ATRNL1: variants seen among roughly 807,000 people sequenced by gnomAD.
ATRNL1 encodes the protein attractin-like protein 1.
In ATRNL1, 95 loss-of-function variants were observed where a neutral mutation model predicts 182.7. The observed-to-expected ratio is 0.52, with a 90% CI of 0.44 to 0.62. The LOEUF (loss-of-function observed/expected upper bound fraction) is 0.62, where lower values mean the gene tolerates loss of function less well. Among genes scored for constraint, ATRNL1 ranks in the 20% least tolerant of loss-of-function variants. The pLI, the probability that ATRNL1 is intolerant of heterozygous loss-of-function variation, is 0.00. For synonymous variants in ATRNL1, 576 were observed against 568.3 expected (o/e 1.01, Z -0.19); for missense variants, 1,471 against 1,679.5 (o/e 0.88, Z 2.17).
At chr10:115,535,976 C>G (rs535986557) in intron 25 of ATRNL1, among the ~76,000 whole-genome samples, 15 of 150,736 alleles carry the variant, frequency 1.0e-4, no homozygotes, top group African/African-American at 3.5e-4. Flanking sequence ...GAAGTTTTGT[C>G]TCAGAGGATT....
chr10:115,601,319 T>A (rs1191997456), intron 26 of ATRNL1, among the ~76,000 whole-genome samples: 1 of 152,188 alleles, frequency 6.6e-6, no homozygotes, highest in Non-Finnish European at 1.5e-5. Flanking sequence ...TCTACATTCA[T>A]GCATGTCCTA....
At position 115,362,782 on chromosome 10, in the gene ATRNL1, G is replaced by A. The variant is rs552814523; in HGVS notation, c.3175+28363G>A. Among the ~76,000 whole-genome samples, 745 of 151,358 alleles carry A rather than the reference G, an allele frequency of 4.9e-3. 5 individuals are homozygous for A. Among genetic ancestry groups the A allele is most frequent in the African/African-American group, 0.016 (657 of 41,246 alleles). ...GAGAATATGCAGTGTTTGGTTTTTT[G>A]TTCTTGCGATAGTTTACTGAGAATG... On this transcript the variant is annotated intron_variant, in intron 19 of 28. Coordinates refer to ENST00000355044, the MANE Select transcript of ATRNL1 (RefSeq NM_207303.4).
At chr10:115,846,757 A>C (rs1950937613) in intron 27 of ATRNL1, among the ~76,000 whole-genome samples, 1 of 152,064 alleles carries the variant, frequency 6.6e-6, no homozygotes. Flanking sequence ...GTGGAGGTGC[A>C]TGTTTGCATA....
chr10:115,196,090 G>A (rs1554890953), intron 8 of ATRNL1, among the ~76,000 whole-genome samples: 1 of 152,062 alleles, frequency 6.6e-6, no homozygotes, highest in Non-Finnish European at 1.5e-5. Flanking sequence ...GAGCCCAAGA[G>A]TTCAAGGCTA....
At chr10:115,396,540 C>T (rs933321400) in intron 20 of ATRNL1, among the ~76,000 whole-genome samples, 8 of 151,894 alleles carry the variant, frequency 5.3e-5, no homozygotes, top group Admixed American at 5.3e-4. Context: ...TGTATAATAG[C>T]ATGTTCTGGT....
At chr10:115,760,146 C>G (rs1400510164) in intron 27 of ATRNL1, among the ~76,000 whole-genome samples, 2 of 145,236 alleles carry the variant, frequency 1.4e-5, no homozygotes, top group Non-Finnish European at 3.0e-5. Context: ...ATACTTTCTA[C>G]AAAACACTGT....
intron 19 of ATRNL1, 85 bp from the exon 20 acceptor site, chr10:115,394,574 A>C (rs1554955058): frequency 3.8e-6 from 4 of 1,052,278 alleles, no homozygotes; most frequent in Non-Finnish European, 2.9e-6. Context: ...AGGACATAAA[A>C]ATAAGGTAAT....
rs1286401213 is a variant in ATRNL1 at position 115,641,649 on chromosome 10, C to G, written c.3796-85599C>G. 3.3e-5 allele frequency among the ~76,000 whole-genome samples: 5 copies of G among 152,098 alleles called. No homozygotes were observed. The East Asian group carries it at 9.6e-4, about 29-fold the overall frequency. ...CTATATTATTTCATTTAACTATTTA[C>G]ATAATTTTCTCATAAAACATTAGCT... is the stretch of plus-strand genomic sequence containing the variant. On this transcript the variant is annotated intron_variant, in intron 26 of 28. Coordinates refer to ENST00000355044, the MANE Select transcript of ATRNL1 (RefSeq NM_207303.4).
intron 26 of ATRNL1, among the ~76,000 whole-genome samples, chr10:115,701,689 T>C (rs1300508835): frequency 6.6e-6 from 1 of 151,992 alleles, no homozygotes; most frequent in Middle Eastern, 3.2e-3. Context: ...ACACAAATTA[T>C]AAAATCTAGA....
chr10:115,680,110 T>C (rs530173626), intron 26 of ATRNL1, among the ~76,000 whole-genome samples: 17 of 152,256 alleles, frequency 1.1e-4, no homozygotes, highest in South Asian at 4.1e-4. Context: ...CCACAGAGTT[T>C]AGGTTTTTGT....
intron 23 of ATRNL1, among the ~76,000 whole-genome samples, chr10:115,467,936 A>G (rs1848129048): frequency 6.6e-6 from 1 of 150,588 alleles, no homozygotes; most frequent in Admixed American, 6.6e-5. Context: ...AATGTGCTGG[A>G]AATTGTTTCT....
At chr10:115,353,362 A>G (rs1421071664) in intron 19 of ATRNL1, among the ~76,000 whole-genome samples, 2 of 152,028 alleles carry the variant, frequency 1.3e-5, no homozygotes, top group Non-Finnish European at 2.9e-5. Context: ...CTTGAAATCT[A>G]TTTTATCTGA....
intron 27 of ATRNL1, among the ~76,000 whole-genome samples, chr10:115,846,234 T>G (rs1950924541): frequency 6.6e-6 from 1 of 152,032 alleles, no homozygotes; most frequent in Non-Finnish European, 1.5e-5. Context: ...TTATATTGAA[T>G]GCTCCCAAAA....
At position 115,093,667 on chromosome 10, in the gene ATRNL1, G is replaced by A; in HGVS notation, c.-84G>A. On this transcript the variant is annotated 5_prime_UTR_variant, in exon 1 of 29. Transcript: ENST00000355044. This position sits in a 1 kb window ranked among gnomAD's most constrained non-coding sequence, Gnocchi z 6.1. The stretch of plus-strand genomic sequence containing the variant: ...GAGGAGGAGAAGCGGCGGCGGAGAG[G>A]TTTTCTGCGGCCGGAATTCCCTTCA... The A allele has an allele frequency of 7.1e-7, 1 of 1,404,866 alleles. No individual in the cohort carries two copies. Among genetic ancestry groups the A allele is most frequent in the East Asian group, 2.8e-5 (1 of 35,262 alleles). 87.0% of individuals were successfully genotyped at this position (1,404,866 alleles called of 1,614,324 possible).
chr10:115,110,827 T>C (rs1844225847), intron 1 of ATRNL1, among the ~76,000 whole-genome samples: 1 of 152,234 alleles, frequency 6.6e-6, no homozygotes. Flanking sequence ...ACAAGGTGAT[T>C]GTCATTTATT....
intron 18 of ATRNL1, among the ~76,000 whole-genome samples, chr10:115,318,554 C>G (rs1788026589): frequency 1.3e-5 from 2 of 152,092 alleles, no homozygotes; most frequent in African/African-American, 4.8e-5. Context: ...TAATTACTCC[C>G]TCAATTTCAG....
chr10:115,697,298 A>C (rs1323396742), intron 26 of ATRNL1, among the ~76,000 whole-genome samples: 8 of 152,094 alleles, frequency 5.3e-5, no homozygotes, highest in Non-Finnish European at 1.2e-4. Flanking sequence ...CCATGTTAAC[A>C]GAATATCACA....
Position 115,246,600 on chromosome 10 carries a change from T to TCGGACTG in ATRNL1, c.1687+4884_1687+4890dup, listed in dbSNP as rs1183163959. ...ACGGAGTCTCGCTCTGTCGCCCAGGTCGGACTGCGGACTGCAGTAGCGCAA... is the reference window on the plus strand; with the variant it reads ...ACGGAGTCTCGCTCTGTCGCCCAGGTCGGACTGCGGACTGCGGACTGCAGTAGCGCAA... On this transcript the variant is annotated intron_variant, in intron 10 of 28. Transcript: ENST00000355044. Among the ~76,000 whole-genome samples the TCGGACTG allele has an allele frequency of 5.7e-5, 7 of 123,844 alleles. 1 individual carries two copies. The highest frequency in any genetic ancestry group is 5.4e-4 in the South Asian group (2 of 3,698). 81.2% of individuals were successfully genotyped at this position (123,844 alleles called of 152,430 possible). A position where few individuals can be genotyped will look rare whatever the true frequency, so the allele number is the denominator to read the frequency against.
intron 9 of ATRNL1, among the ~76,000 whole-genome samples, chr10:115,223,929 A>ATATATATATATTTTT (rs1420143943): frequency 1.8e-4 from 8 of 44,732 alleles, no homozygotes; most frequent in East Asian, 3.7e-4. Context: ...ATATATATAT[A>ATATATATATATTTTT]TTTTTTTTTT....
Sources: allele counts gnomAD v4.1 joint callset (sites outside exome capture counted in the v4.1 genomes callset), GRCh38; gene constraint gnomAD v4.1.1; non-coding constraint Gnocchi (gnomAD v3.1); transcripts MANE v1.5; gene names NCBI Gene and HGNC (gene_info 2026-07-23, HGNC 2026-07-21).